TPRX1: variants seen among roughly 807,000 people sequenced by gnomAD.
The protein encoded by TPRX1 is tetrapeptide repeat homeobox 1.
Under a neutral mutation model 8.1 loss-of-function variants are expected in TPRX1, and 2 were observed. The observed-to-expected ratio is 0.25, with a 90% confidence interval of 0.10 to 0.78. The LOEUF (loss-of-function observed/expected upper bound fraction) is 0.78, where lower values mean the gene tolerates loss of function less well. TPRX1 is among the 30% of genes least tolerant of loss of function. The pLI, the probability that TPRX1 is intolerant of heterozygous loss-of-function variation, is 0.70. For synonymous variants in TPRX1, 257 were observed against 254.1 expected (o/e 1.01, Z -0.11); for missense variants, 517 against 586.9 (o/e 0.88, Z 1.23).
intron 2 of TPRX1, among the ~76,000 whole-genome samples, chr19:47,812,498 C>T (rs1967792754): frequency 6.6e-6 from 1 of 151,922 alleles, no homozygotes; most frequent in African/African-American, 2.4e-5. Flanking sequence ...CTTTGGGAGG[C>T]CGAGTCAGGA....
chr19:47,811,244 T>C (rs188780921), intron 2 of TPRX1, among the ~76,000 whole-genome samples: 41 of 151,930 alleles, frequency 2.7e-4, no homozygotes, highest in African/African-American at 9.2e-4. Context: ...CCTCAGGTGG[T>C]CAGCCCTCCT....
rs149742395 is a variant in TPRX1, at chr19:47,803,021, G to A, written c.322-41C>T. ...GACAGGGAGAAGGTGTGAAGGAGGGGCTCGCGCGGCCCAGTGAGCCTTTTG... is the reference window on the plus strand; with the variant it reads ...GACAGGGAGAAGGTGTGAAGGAGGGACTCGCGCGGCCCAGTGAGCCTTTTG... On this transcript the variant is annotated intron_variant, in intron 3 of 3. Coordinates refer to ENST00000535759, the Ensembl canonical transcript of TPRX1. The A allele has an allele frequency of 9.5e-4, 1,438 of 1,510,428 alleles. 14 individuals are homozygous for A. The African/African-American group carries it at 0.016, about 17-fold the overall frequency. The allele number at this position is 1,510,428 out of a possible 1,614,324, so 93.6% of individuals were successfully genotyped here. A position where few individuals can be genotyped will look rare whatever the true frequency, so the allele number is the denominator to read the frequency against.
At chr19:47,816,724 G>A (rs533216117) in intron 2 of TPRX1, among the ~76,000 whole-genome samples, 40 of 151,338 alleles carry the variant, frequency 2.6e-4, no homozygotes, top group Middle Eastern at 3.5e-3. Flanking sequence ...AGTAGAGATG[G>A]GGTTTCACCA....
Position 47,801,911 on chromosome 19 carries a change from G to C in TPRX1, c.1391C>G (p.Ser464Ter), listed in dbSNP as rs1349397238. Reference sequence around the variant, plus strand: ...GTACTGAGAGGTCATGGTGGAGACTGAGGATCCCTCCAAGGGGTCTAGGGG... The same window carrying C: ...GTACTGAGAGGTCATGGTGGAGACTCAGGATCCCTCCAAGGGGTCTAGGGG... Residue 464 changes from serine to a stop codon, truncating the protein, a stop_gained, in exon 4 of 4, where the codon TCA (serine) becomes TGA (stop). Transcript: ENST00000535759. LOFTEE classifies it low-confidence loss of function (END_TRUNC). 4.3e-6 allele frequency: 7 copies of C among 1,614,170 alleles called. No homozygotes were observed. The highest frequency in any genetic ancestry group is 5.9e-6 in the Non-Finnish European group (7 of 1,180,038).
At chr19:47,802,247 A>G in exon 4 of TPRX1, 1 of 1,596,600 alleles carries the variant, frequency 6.3e-7, no homozygotes, top group Non-Finnish European at 8.5e-7. Flanking sequence ...TGGGCCTGGG[A>G]TTGGGCCTGG....
At chr19:47,812,439 A>C (rs968968047) in intron 2 of TPRX1, among the ~76,000 whole-genome samples, 8 of 151,372 alleles carry the variant, frequency 5.3e-5, no homozygotes, top group African/African-American at 1.9e-4. Flanking sequence ...TCTCTTAAAA[A>C]ATATAAAGAA....
chr19:47,811,940 C>G (rs1353183313), intron 2 of TPRX1, among the ~76,000 whole-genome samples: 1 of 151,820 alleles, frequency 6.6e-6, no homozygotes, highest in Non-Finnish European at 1.5e-5. Context: ...AATCTCAGCT[C>G]CCTGCAACCT....
intron 2 of TPRX1, among the ~76,000 whole-genome samples, chr19:47,814,212 C>A (rs550792305): frequency 1.3e-5 from 2 of 151,996 alleles, no homozygotes; most frequent in African/African-American, 4.8e-5. Flanking sequence ...CCCACCACTA[C>A]GCAGAGCATA....
At chr19:47,808,077 G>C (rs1440076807) in intron 2 of TPRX1, among the ~76,000 whole-genome samples, 1 of 151,754 alleles carries the variant, frequency 6.6e-6, no homozygotes, top group Non-Finnish European at 1.5e-5. Flanking sequence ...CTACAGGCAA[G>C]TACCACCATG....
chr19:47,807,064 C>T (rs183183748), intron 2 of TPRX1, among the ~76,000 whole-genome samples: 59 of 152,164 alleles, frequency 3.9e-4, no homozygotes, highest in African/African-American at 1.2e-3. Context: ...ACCACCACGC[C>T]CAGCTAACTT....
At chr19:47,813,108 A>AAAATAAATAAAT (rs373835462) in intron 2 of TPRX1, among the ~76,000 whole-genome samples, 6,153 of 134,422 alleles carry the variant, frequency 0.046, 190 homozygotes, top group Middle Eastern at 0.07. Context: ...CTGTGTCTCA[A>AAAATAAATAAAT]AAATAAATAA....
At chr19:47,815,120 A>ATATATATATATATATATATG (rs1967821142) in intron 2 of TPRX1, among the ~76,000 whole-genome samples, 1 of 86,228 alleles carries the variant, frequency 1.2e-5, no homozygotes, top group Non-Finnish European at 2.3e-5. Flanking sequence ...TAAATTATAT[A>ATATATATATATATATATATG]TATATATATA....
intron 2 of TPRX1, among the ~76,000 whole-genome samples, chr19:47,813,670 AGT>A (rs947456619): frequency 2.0e-5 from 3 of 148,290 alleles, no homozygotes; most frequent in Admixed American, 6.8e-5. Flanking sequence ...GTGGGGTCCC[AGT>A]GTGTGAGTTG....
intron 2 of TPRX1, among the ~76,000 whole-genome samples, chr19:47,810,795 A>AT (rs1250450938): frequency 6.6e-6 from 1 of 151,164 alleles, no homozygotes; most frequent in Non-Finnish European, 1.5e-5. Context: ...GTGCAGGGGG[A>AT]GGGGGTTCAG....
chr19:47,804,922 C>G (rs899631833), intron 2 of TPRX1, among the ~76,000 whole-genome samples: 1 of 152,198 alleles, frequency 6.6e-6, no homozygotes, highest in African/African-American at 2.4e-5. Context: ...TTGTTCCTTC[C>G]CAGGGCTGGG....
chr19:47,802,433 C>A (rs550218704), exon 4 of TPRX1: 20 of 1,363,950 alleles, frequency 1.5e-5, no homozygotes, highest in South Asian at 2.6e-5. Flanking sequence ...TGGGATCGGG[C>A]CTGAGATTGG....
chr19:47,801,554 C>A (rs766352978), exon 4 of TPRX1: 34 of 531,882 alleles, frequency 6.4e-5, no homozygotes, highest in Non-Finnish European at 7.6e-5. Context: ...CAGTGAGCAG[C>A]GACTCCAATC....
intron 2 of TPRX1, among the ~76,000 whole-genome samples, chr19:47,813,034 G>C (rs957563744): frequency 7.2e-5 from 11 of 151,860 alleles, no homozygotes; most frequent in African/African-American, 2.4e-4. Context: ...TTGAACCCAG[G>C]AGGTGGAGGT....
At chr19:47,803,293 C>G (rs1459385326) in intron 3 of TPRX1, among the ~76,000 whole-genome samples, 3 of 151,658 alleles carry the variant, frequency 2.0e-5, no homozygotes, top group Non-Finnish European at 4.4e-5. Flanking sequence ...CCGGGAGACC[C>G]CGTGGGGGAC....
Sources: allele counts gnomAD v4.1 joint callset (sites outside exome capture counted in the v4.1 genomes callset), GRCh38; gene constraint gnomAD v4.1.1; transcripts MANE v1.5; gene names NCBI Gene and HGNC (gene_info 2026-07-23, HGNC 2026-07-21).